The following CADM1 variants were observed in gnomAD, a reference collection of about 807,000 sequenced individuals.
CADM1 encodes the protein TSLC-1.
Under a neutral mutation model 53.1 loss-of-function variants are expected in CADM1, and 15 were observed. That is an observed-to-expected ratio of 0.28 (90% CI 0.19 to 0.44). CADM1 has a LOEUF of 0.44. CADM1 is among the 20% of genes least tolerant of loss of function. The pLI is 1.00. For synonymous variants in CADM1, 281 were observed against 243.0 expected, an observed-to-expected ratio of 1.16 and a Z score of -1.45; for missense variants, 434 against 611.3, an observed-to-expected ratio of 0.71 and a Z score of 3.06.
intron 1 of CADM1, among the ~76,000 whole-genome samples, chr11:115,289,593 C>CTTTTTT (rs56766047): frequency 3.7e-5 from 4 of 109,032 alleles, no homozygotes; most frequent in Non-Finnish European, 7.6e-5. Flanking sequence ...CTTTTTTTTT[C>CTTTTTT]TTTTTTTTTT....
At chr11:115,386,908 A>T (rs1054328874) in intron 1 of CADM1, among the ~76,000 whole-genome samples, 1 of 152,244 alleles carries the variant, frequency 6.6e-6, no homozygotes, top group African/African-American at 2.4e-5. Context: ...TTAAACTAGA[A>T]GAGTGGGAAC....
At chr11:115,432,040 G>C (rs1948067593) in intron 1 of CADM1, among the ~76,000 whole-genome samples, 1 of 152,040 alleles carries the variant, frequency 6.6e-6, no homozygotes. Flanking sequence ...TGCCCCTCCT[G>C]AGTTTAAGTG....
intron 4 of CADM1, 130 bp downstream of exon 4, chr11:115,231,223 C>T (rs1941801261): frequency 2.9e-6 from 3 of 1,036,324 alleles, no homozygotes; most frequent in Admixed American, 3.5e-5. Context: ...TATTTAGTAA[C>T]TGATTATAAA....
intron 1 of CADM1, among the ~76,000 whole-genome samples, chr11:115,359,019 T>C (rs1338895840): frequency 2.0e-5 from 3 of 152,208 alleles, no homozygotes; most frequent in Admixed American, 1.3e-4. Flanking sequence ...GAGTTTTCAA[T>C]CAACCCTCAA....
chr11:115,492,020 A>C (rs1949508632), intron 1 of CADM1, among the ~76,000 whole-genome samples: 1 of 152,160 alleles, frequency 6.6e-6, no homozygotes, highest in Non-Finnish European at 1.5e-5. Context: ...GGATGCAGCA[A>C]ACCAATATGG....
At chr11:115,268,788 A>G (rs1323472042) in intron 1 of CADM1, among the ~76,000 whole-genome samples, 3 of 152,184 alleles carry the variant, frequency 2.0e-5, no homozygotes, top group Admixed American at 1.3e-4. Context: ...GCCCCTCTTT[A>G]GAGTCAGTTA....
At position 115,173,406 on chromosome 11, in the gene CADM1, A is replaced by C. The variant is rs1938868061; in HGVS notation, c.*3068T>G. Reference sequence around the variant, plus strand: ...TCAGCCACGGCACAGCACTTGGCTCACCTGTCCACTGAGAGTGGGGAAGAG... The same window carrying C: ...TCAGCCACGGCACAGCACTTGGCTCCCCTGTCCACTGAGAGTGGGGAAGAG... On this transcript the variant is annotated 3_prime_UTR_variant, in exon 12 of 12. Coordinates refer to ENST00000331581, the MANE Select transcript of CADM1 (RefSeq NM_001301043.2). 6.6e-6 allele frequency: 1 copy of C among 152,312 alleles called. No homozygotes were observed. Among genetic ancestry groups the C allele is most frequent in the South Asian group, 2.1e-4 (1 of 4,820 alleles). 9.4% of individuals were successfully genotyped at this position (152,312 alleles called of 1,614,324 possible). A position where few individuals can be genotyped will look rare whatever the true frequency, so the allele number is the denominator to read the frequency against.
chr11:115,472,984 C>A (rs762094665), intron 1 of CADM1, among the ~76,000 whole-genome samples: 75 of 152,290 alleles, frequency 4.9e-4, no homozygotes, highest in Admixed American at 8.5e-4. Flanking sequence ...CCAAACATTT[C>A]AACCAGAAGC....
intron 5 of CADM1, among the ~76,000 whole-genome samples, chr11:115,223,973 A>AAAAGAGAG (rs59495248): frequency 3.2e-5 from 3 of 92,466 alleles, no homozygotes; most frequent in Non-Finnish European, 6.2e-5. Context: ...AAAAAAAAAA[A>AAAAGAGAG]AGAGAGAGAG....
chr11:115,242,161 G>A (rs1186654765), intron 1 of CADM1, among the ~76,000 whole-genome samples: 1 of 151,908 alleles, frequency 6.6e-6, no homozygotes, highest in Non-Finnish European at 1.5e-5. Context: ...TTGAGGAGCA[G>A]ACCAAAATGA....
chr11:115,368,189 G>C (rs4264182), intron 1 of CADM1, among the ~76,000 whole-genome samples: 145,202 of 145,204 alleles, frequency 1, 72,600 homozygotes, highest in Middle Eastern at 1. Flanking sequence ...GGGGATAGCC[G>C]TTTTTAAAAT....
intron 1 of CADM1, among the ~76,000 whole-genome samples, chr11:115,447,474 T>G (rs533421258): frequency 1.3e-5 from 2 of 152,294 alleles, no homozygotes; most frequent in Admixed American, 1.3e-4. Context: ...TCACCCTTTT[T>G]GTCTGCTCTG....
In CADM1 at chr11:115,169,856, G is replaced by A; in HGVS notation, c.*6618C>T. On this transcript the variant is annotated 3_prime_UTR_variant, in exon 12 of 12. Transcript: ENST00000331581. The stretch of plus-strand genomic sequence containing the variant: ...CTACAGAGAAAACAAACCAAAAAGA[G>A]TAATAAAGTCACACATTTCAATATT... 3.8e-6 allele frequency: 1 copy of A among 263,618 alleles called. No individual in the cohort carries two copies. 16.3% of individuals were successfully genotyped at this position (263,618 alleles called of 1,614,324 possible). A position where few individuals can be genotyped will look rare whatever the true frequency, so the allele number is the denominator to read the frequency against.
At chr11:115,357,096 C>T (rs932729430) in intron 1 of CADM1, among the ~76,000 whole-genome samples, 1 of 152,094 alleles carries the variant, frequency 6.6e-6, no homozygotes, top group African/African-American at 2.4e-5. Flanking sequence ...TCTCTTCATC[C>T]CCCTCCTGGA....
At chr11:115,214,551 A>C (rs759431628) in intron 7 of CADM1, 57 bp downstream of exon 7, 1 of 1,512,720 alleles carries the variant, frequency 6.6e-7, no homozygotes, top group Non-Finnish European at 9.2e-7. Flanking sequence ...AGTAAATCAC[A>C]AGTAGCAGCT....
At chr11:115,178,515 C>A in intron 11 of CADM1, 129 bp downstream of exon 11, 15 of 553,808 alleles carry the variant, frequency 2.7e-5, no homozygotes, top group Non-Finnish European at 4.7e-5. Context: ...TCTCTCTCTT[C>A]CAGTTTCAGG....
At chr11:115,190,286 C>T (rs984550677) in intron 10 of CADM1, among the ~76,000 whole-genome samples, 2 of 152,120 alleles carry the variant, frequency 1.3e-5, no homozygotes, top group African/African-American at 4.8e-5. Context: ...TTAGTAACAC[C>T]TAAATCCTGG....
At chr11:115,244,934 G>A (rs148143215) in intron 1 of CADM1, among the ~76,000 whole-genome samples, 323 of 152,292 alleles carry the variant, frequency 2.1e-3, no homozygotes, top group African/African-American at 7.1e-3. Flanking sequence ...AGTGCATGGC[G>A]GCCTTTTGCC....
In CADM1 at chr11:115,217,960, A is replaced by C; in HGVS notation, c.753T>G (p.Tyr251Ter). The change falls in exon 6 of 12, where the codon TAT becomes TAG. Residue 251 changes from tyrosine (Y) to a stop codon, truncating the protein, a stop_gained. Transcript: ENST00000331581. LOFTEE classifies it high-confidence loss of function. ...CTTCCCGGGTTAAGCCTTGTAGAGG[A>C]TAAGTCATCTGAATGTGCACTTGAG... ...YKPQVHIQMT[Y>*]PLQGLTREGD... is the part of the protein sequence containing the mutation. The C allele has an allele frequency of 6.2e-7, 1 of 1,613,518 alleles. No individual in the cohort carries two copies. Among genetic ancestry groups the C allele is most frequent in the Non-Finnish European group, 8.5e-7 (1 of 1,179,546 alleles).
Sources: allele counts gnomAD v4.1 joint callset (sites outside exome capture counted in the v4.1 genomes callset), GRCh38; gene constraint gnomAD v4.1.1; transcripts MANE v1.5; gene names NCBI Gene and HGNC (gene_info 2026-07-23, HGNC 2026-07-21).